The following ANKRD6 variants were observed in gnomAD, a reference collection of about 807,000 sequenced individuals.
The protein encoded by ANKRD6 is ankyrin repeat domain 6, also known as ankyrin repeat domain-containing protein 6.
Under a neutral mutation model 82.3 loss-of-function variants are expected in ANKRD6, and 56 were observed. The ratio of observed to expected loss-of-function variants is 0.68; its 90% CI spans 0.55 to 0.85. The LOEUF (loss-of-function observed/expected upper bound fraction) is 0.85, where lower values mean the gene tolerates loss of function less well. ANKRD6 is among the 40% of genes least tolerant of loss of function. The pLI, the probability that ANKRD6 is intolerant of heterozygous loss-of-function variation, is 0.00. For synonymous variants in ANKRD6, 347 were observed against 352.1 expected (o/e 0.99, Z 0.16); for missense variants, 852 against 907.6 (o/e 0.94, Z 0.79).
At chr6:89,538,199 C>G (rs988187538) in intron 1 of ANKRD6, among the ~76,000 whole-genome samples, 3 of 152,172 alleles carry the variant, frequency 2.0e-5, no homozygotes, top group Non-Finnish European at 4.4e-5. Flanking sequence ...TCTCTTAAAT[C>G]TTAATCTCTA....
chr6:89,569,852 T>G (rs561954916), intron 2 of ANKRD6, among the ~76,000 whole-genome samples: 1 of 152,162 alleles, frequency 6.6e-6, no homozygotes, highest in South Asian at 2.1e-4. Flanking sequence ...CTGCTAAAGG[T>G]TTTTAATAAA....
intron 1 of ANKRD6, among the ~76,000 whole-genome samples, chr6:89,484,621 G>T (rs547585676): frequency 2.3e-4 from 35 of 152,242 alleles, no homozygotes; most frequent in African/African-American, 8.2e-4. Flanking sequence ...TGCAATATGA[G>T]TTCAGTACAC....
intron 5 of ANKRD6, among the ~76,000 whole-genome samples, chr6:89,608,376 A>G (rs1053949458): frequency 9.8e-6 from 1 of 102,548 alleles, no homozygotes; most frequent in African/African-American, 4.6e-5. Context: ...CACTATATAT[A>G]TATATATATG....
At chr6:89,528,429 A>G (rs918469125) in intron 1 of ANKRD6, among the ~76,000 whole-genome samples, 3 of 152,228 alleles carry the variant, frequency 2.0e-5, no homozygotes, top group African/African-American at 7.2e-5. Context: ...TCATGAGATT[A>G]TAGCAATTCA....
chr6:89,549,041 A>C (rs1251977107), intron 1 of ANKRD6, among the ~76,000 whole-genome samples: 1 of 152,030 alleles, frequency 6.6e-6, no homozygotes, highest in East Asian at 1.9e-4. Context: ...ACCCTGTCTC[A>C]ACAAAAAATA....
chr6:89,487,452 T>C (rs192779566), intron 1 of ANKRD6, among the ~76,000 whole-genome samples: 89 of 152,346 alleles, frequency 5.8e-4, no homozygotes, highest in Non-Finnish European at 1.1e-3. Context: ...TGGATACATA[T>C]TGCTAGATTT....
intron 10 of ANKRD6, among the ~76,000 whole-genome samples, chr6:89,622,568 A>G (rs1320040306): frequency 1.3e-5 from 2 of 152,206 alleles, no homozygotes; most frequent in South Asian, 2.1e-4. Flanking sequence ...GAGCAAGGCT[A>G]TGCTAGCCTG....
intron 1 of ANKRD6, among the ~76,000 whole-genome samples, chr6:89,546,612 C>T (rs540260083): frequency 2.0e-4 from 30 of 152,060 alleles, no homozygotes; most frequent in Non-Finnish European, 3.8e-4. Context: ...CATAGCCGTG[C>T]GCCACCATGC....
intron 1 of ANKRD6, chr6:89,483,470 C>T (rs767791572): frequency 2.6e-5 from 4 of 152,284 alleles, no homozygotes; most frequent in East Asian, 1.9e-4. Flanking sequence ...TGGACCCTCC[C>T]GCCTTCCCAC....
chr6:89,467,834 C>G (rs1247794794), intron 1 of ANKRD6, among the ~76,000 whole-genome samples: 1 of 152,188 alleles, frequency 6.6e-6, no homozygotes, highest in Non-Finnish European at 1.5e-5. Flanking sequence ...AGGCATTCAT[C>G]TGTGCAGCAT....
chr6:89,607,425 T>C (rs1038516313), intron 5 of ANKRD6, among the ~76,000 whole-genome samples: 7 of 152,174 alleles, frequency 4.6e-5, no homozygotes, highest in African/African-American at 1.7e-4. Flanking sequence ...TTGAAAATAA[T>C]GCTTTCCACT....
intron 3 of ANKRD6, among the ~76,000 whole-genome samples, chr6:89,597,700 C>T (rs1012687936): frequency 6.6e-6 from 1 of 152,130 alleles, no homozygotes; most frequent in Non-Finnish European, 1.5e-5. Context: ...AGAGAGAGTC[C>T]CTTTTATTTA....
At chr6:89,545,704 A>C (rs1562776636) in intron 1 of ANKRD6, among the ~76,000 whole-genome samples, 1 of 152,216 alleles carries the variant, frequency 6.6e-6, no homozygotes, top group East Asian at 1.9e-4. Context: ...AACTTGAATC[A>C]AACGTGGTTG....
intron 1 of ANKRD6, among the ~76,000 whole-genome samples, chr6:89,517,537 G>T (rs150912528): frequency 1.8e-4 from 28 of 152,252 alleles, no homozygotes; most frequent in African/African-American, 6.5e-4. Flanking sequence ...GAAAGAAGTT[G>T]TTGAGATACT....
chr6:89,496,631 T>C (rs1458637460), intron 1 of ANKRD6, among the ~76,000 whole-genome samples: 1 of 152,162 alleles, frequency 6.6e-6, no homozygotes, highest in Non-Finnish European at 1.5e-5. Flanking sequence ...TAAGCAATTC[T>C]CCTGCCTCAG....
At chr6:89,487,414 C>T (rs1017358409) in intron 1 of ANKRD6, among the ~76,000 whole-genome samples, 12 of 152,086 alleles carry the variant, frequency 7.9e-5, no homozygotes, top group African/African-American at 2.9e-4. Flanking sequence ...AATTTCTGAG[C>T]CAAAGAACAA....
At chr6:89,553,174 C>T (rs1188323437) in intron 1 of ANKRD6, among the ~76,000 whole-genome samples, 2 of 152,152 alleles carry the variant, frequency 1.3e-5, no homozygotes, top group Non-Finnish European at 1.5e-5. Flanking sequence ...AGATGGATAT[C>T]ATTTCAAGAA....
intron 1 of ANKRD6, among the ~76,000 whole-genome samples, chr6:89,547,148 A>G (rs949768854): frequency 1.3e-5 from 2 of 151,372 alleles, no homozygotes; most frequent in African/African-American, 4.9e-5. Flanking sequence ...TTTATGGGGC[A>G]CTGTTGTGGG....
intron 1 of ANKRD6, among the ~76,000 whole-genome samples, chr6:89,446,209 G>A (rs1444970063): frequency 1.3e-5 from 2 of 151,968 alleles, no homozygotes; most frequent in African/African-American, 4.8e-5. Flanking sequence ...AAAATTAACT[G>A]GGCATGCTGG....
Sources: gnomAD v4.1 joint callset for allele counts (sites outside exome capture counted in the v4.1 genomes callset) on GRCh38, gnomAD v4.1.1 for gene constraint, MANE v1.5 for transcripts, NCBI Gene and HGNC (gene_info 2026-07-23, HGNC 2026-07-21) for gene names.